The following PTPRN2 variants were observed in gnomAD, a reference collection of about 807,000 sequenced individuals.
PTPRN2 encodes protein tyrosine phosphatase receptor type N2, also known as receptor-type tyrosine-protein phosphatase N2.
PTPRN2 carries 74 observed loss-of-function variants against 118.8 expected under a neutral mutation model. That is an observed-to-expected ratio of 0.62 (90% CI 0.52 to 0.76). The LOEUF (loss-of-function observed/expected upper bound fraction) is 0.76. PTPRN2 is among the 30% of genes least tolerant of loss of function. PTPRN2 has a pLI of 0.00. For synonymous variants in PTPRN2, 641 were observed against 608.0 expected, an observed-to-expected ratio of 1.05 and a Z score of -0.80; for missense variants, 1,481 against 1,394.4, an observed-to-expected ratio of 1.06 and a Z score of -0.99.
chr7:157,664,899 C>T (rs1365789875), intron 13 of PTPRN2, among the ~76,000 whole-genome samples: 1 of 152,232 alleles, frequency 6.6e-6, no homozygotes, highest in East Asian at 1.9e-4. Context: ...TGAAATTTCC[C>T]TGATTTATAA....
intron 11 of PTPRN2, among the ~76,000 whole-genome samples, chr7:158,008,642 C>T (rs1246505435): frequency 6.6e-6 from 1 of 152,258 alleles, no homozygotes; most frequent in Admixed American, 6.5e-5. Context: ...CCCCCACCAG[C>T]AGGCAGCAGT....
chr7:157,938,282 A>G (rs1404838765), intron 11 of PTPRN2, among the ~76,000 whole-genome samples: 1 of 152,258 alleles, frequency 6.6e-6, no homozygotes, highest in Admixed American at 6.5e-5. Flanking sequence ...GTGGAGATGC[A>G]GGGGAGACAT....
chr7:157,608,811 A>G lies in PTPRN2; in HGVS notation c.2345-4736T>C, dbSNP rs1390632300. On this transcript the variant is annotated intron_variant, in intron 15 of 22. Transcript: ENST00000389418. The stretch of plus-strand genomic sequence containing the variant: ...GCTCCCTTCTGTTGTCAAATGAAAT[A>G]TCAGACCTCCCTGGGGAGGCAACAC... Among the ~76,000 whole-genome samples the G allele has an allele frequency of 2.6e-5, 4 of 152,190 alleles. No homozygotes were observed. In the East Asian group the frequency reaches 7.7e-4, roughly 29 times the overall value.
chr7:157,982,275 AGG>A (rs1163733009), intron 11 of PTPRN2, among the ~76,000 whole-genome samples: 2 of 49,344 alleles, frequency 4.1e-5, no homozygotes, highest in Non-Finnish European at 8.3e-5. Context: ...AGAGCCAAGG[AGG>A]GGAATGCAGA....
At chr7:157,726,638 A>G (rs921571646) in intron 12 of PTPRN2, among the ~76,000 whole-genome samples, 1 of 152,238 alleles carries the variant, frequency 6.6e-6, no homozygotes, top group African/African-American at 2.4e-5. Context: ...GGCACAAAAG[A>G]AAAAAATAGA....
rs542803253 is a variant in PTPRN2 at position 157,622,141 on chromosome 7, C to A, written c.2197-632G>T. 1.3e-5 allele frequency among the ~76,000 whole-genome samples: 2 copies of A among 152,198 alleles called. No individual in the cohort carries two copies. The highest frequency in any genetic ancestry group is 4.1e-4 in the South Asian group (2 of 4,822). On this transcript the variant is annotated intron_variant, in intron 14 of 22. Transcript: ENST00000389418. This position sits in a 1 kb window ranked among gnomAD's most constrained non-coding sequence, Gnocchi z 5.3. ...CCCCATGCCGCCAGCACAGCCCACTCGGTTCTTATTCATCTGTACCGTTGA... is the reference window on the plus strand; with the variant it reads ...CCCCATGCCGCCAGCACAGCCCACTAGGTTCTTATTCATCTGTACCGTTGA...
intron 11 of PTPRN2, among the ~76,000 whole-genome samples, chr7:157,933,371 C>T (rs1209343529): frequency 5.8e-4 from 53 of 91,514 alleles, no homozygotes; most frequent in South Asian, 1.4e-3. Context: ...TGATTGACAG[C>T]TTTAGAGGAA....
chr7:158,248,817 T>C (rs59997718), intron 3 of PTPRN2, among the ~76,000 whole-genome samples: 1 of 11,914 alleles, frequency 8.4e-5, no homozygotes, highest in African/African-American at 4.5e-4. Context: ...CGTGCACACA[T>C]GCCACACGCA....
At chr7:157,683,695 A>G (rs1317355810) in intron 12 of PTPRN2, among the ~76,000 whole-genome samples, 1 of 152,138 alleles carries the variant, frequency 6.6e-6, no homozygotes, top group African/African-American at 2.4e-5. Context: ...GGCTGGTGAA[A>G]ATATGAGAAA....
chr7:158,221,513 G>A (rs1205222949), intron 3 of PTPRN2, among the ~76,000 whole-genome samples: 2 of 152,176 alleles, frequency 1.3e-5, no homozygotes, highest in African/African-American at 4.8e-5. Context: ...ACTTGAGACT[G>A]GGTAAACTAA....
At chr7:158,100,297 A>G (rs1815131501) in intron 10 of PTPRN2, among the ~76,000 whole-genome samples, 1 of 150,076 alleles carries the variant, frequency 6.7e-6, no homozygotes, top group Non-Finnish European at 1.5e-5. Context: ...TTCTTTATCT[A>G]CTCATTGATT....
At chr7:158,072,273 T>C (rs1388068426) in intron 11 of PTPRN2, among the ~76,000 whole-genome samples, 1 of 152,218 alleles carries the variant, frequency 6.6e-6, no homozygotes, top group Non-Finnish European at 1.5e-5. Flanking sequence ...CGAGGCCTGA[T>C]GGTGTGCAGT....
chr7:157,795,412 C>A (rs772665758), intron 12 of PTPRN2, among the ~76,000 whole-genome samples: 4 of 152,238 alleles, frequency 2.6e-5, no homozygotes, highest in Non-Finnish European at 5.9e-5. Context: ...TCTGTTTGCT[C>A]ACCCTCCCCA....
intron 3 of PTPRN2, among the ~76,000 whole-genome samples, chr7:158,304,277 T>A (rs1397343301): frequency 6.7e-6 from 1 of 148,530 alleles, no homozygotes; most frequent in Non-Finnish European, 1.5e-5. Flanking sequence ...GTCAATACAC[T>A]AAGATGTACA....
At chr7:158,407,361 CGTCCTGG>C (rs1813630315) in intron 2 of PTPRN2, among the ~76,000 whole-genome samples, 1 of 74,294 alleles carries the variant, frequency 1.3e-5, no homozygotes, top group Non-Finnish European at 2.6e-5. Flanking sequence ...CTGGGTCCTG[CGTCCTGG>C]GTCCTGGGTC....
chr7:158,537,124 G>A (rs1390363354), intron 1 of PTPRN2, among the ~76,000 whole-genome samples: 3 of 152,162 alleles, frequency 2.0e-5, no homozygotes, highest in Non-Finnish European at 2.9e-5. Flanking sequence ...AGAAGCAGGC[G>A]CTCCCAGACA....
intron 6 of PTPRN2, among the ~76,000 whole-genome samples, chr7:158,161,224 T>A (rs914950989): frequency 3.3e-5 from 5 of 152,188 alleles, no homozygotes; most frequent in Admixed American, 3.3e-4. Context: ...AAGTTTATTC[T>A]AAAGTTTATA....
chr7:157,750,766 C>T (rs77860131), intron 12 of PTPRN2, among the ~76,000 whole-genome samples: 5,501 of 152,324 alleles, frequency 0.036, 259 homozygotes, highest in African/African-American at 0.11. Context: ...TGTACCGCAG[C>T]GTTCAGCTCC....
At chr7:158,559,091 G>A (rs1300661784) in intron 1 of PTPRN2, among the ~76,000 whole-genome samples, 1 of 152,220 alleles carries the variant, frequency 6.6e-6, no homozygotes, top group Non-Finnish European at 1.5e-5. Context: ...GCCACAAAGT[G>A]ATGGTTCTCC....
Sources: gnomAD v4.1 joint callset for allele counts (sites outside exome capture counted in the v4.1 genomes callset) on GRCh38, gnomAD v4.1.1 for gene constraint, Gnocchi (gnomAD v3.1) non-coding constraint, MANE v1.5 for transcripts, NCBI Gene and HGNC (gene_info 2026-07-23, HGNC 2026-07-21) for gene names.